Variants in DNER observed in about 807,000 individuals in gnomAD.
The protein encoded by DNER is delta and Notch-like epidermal growth factor-related receptor.
In DNER, 33 loss-of-function variants were observed where a neutral mutation model predicts 78.2. The ratio of observed to expected loss-of-function variants is 0.42; its 90% CI spans 0.32 to 0.56. The LOEUF (loss-of-function observed/expected upper bound fraction) is 0.56. Ranked by LOEUF, DNER falls within the 20% of genes least tolerant of loss-of-function variation. DNER has a pLI of 0.11. For missense variants in DNER, 918 were observed against 975.3 expected (o/e 0.94, Z 0.78); for synonymous variants, 417 against 384.8 (o/e 1.08, Z -0.98).
intron 1 of DNER, among the ~76,000 whole-genome samples, chr2:229,690,446 T>C (rs567708992): frequency 5.9e-5 from 9 of 152,322 alleles, no homozygotes; most frequent in African/African-American, 1.7e-4. Context: ...GTAACAACAG[T>C]GCACAGAGAA....
intron 1 of DNER, among the ~76,000 whole-genome samples, chr2:229,643,430 TGGATTTCATTGATTAGCAGGA>T (rs1698662570): frequency 6.6e-6 from 1 of 152,206 alleles, no homozygotes; most frequent in Non-Finnish European, 1.5e-5. Flanking sequence ...AATTAGCGCA[TGGATTTCATTGATTAGCAGGA>T]TAATCCCTGC....
At chr2:229,679,306 C>T (rs1422888245) in intron 1 of DNER, among the ~76,000 whole-genome samples, 2 of 152,002 alleles carry the variant, frequency 1.3e-5, no homozygotes, top group Non-Finnish European at 2.9e-5. Context: ...CACCTTTTGC[C>T]TAAGCAAAAA....
chr2:229,485,945 C>A (rs898018878), intron 6 of DNER, among the ~76,000 whole-genome samples: 2 of 152,146 alleles, frequency 1.3e-5, no homozygotes, highest in Admixed American at 6.5e-5. Context: ...CGCTCCTGGT[C>A]TTTTAATAGT....
rs376398926 is a variant in DNER at position 229,563,413 on chromosome 2, CCAT to C, written c.848-16324_848-16322del. 3.4e-3 allele frequency among the ~76,000 whole-genome samples: 497 copies of C among 144,352 alleles called. 6 individuals carry two copies. Among genetic ancestry groups the C allele is most frequent in the African/African-American group, 0.012 (453 of 38,602 alleles). 94.7% of individuals were successfully genotyped at this position (144,352 alleles called of 152,430 possible). A position where few individuals can be genotyped will look rare whatever the true frequency, so the allele number is the denominator to read the frequency against. ...CACCATCATCATCATCACCCCATCG[CCAT>C]CATCATCATCATCCTCACCCCATCA... On this transcript the variant is annotated intron_variant, in intron 4 of 12. Coordinates refer to ENST00000341772, the MANE Select transcript of DNER (RefSeq NM_139072.4).
At chr2:229,653,379 T>C (rs1167520067) in intron 1 of DNER, among the ~76,000 whole-genome samples, 1 of 152,186 alleles carries the variant, frequency 6.6e-6, no homozygotes, top group Non-Finnish European at 1.5e-5. Context: ...TTTTTGTTTT[T>C]GTAGTGTTGA....
Position 229,546,830 on chromosome 2 carries a change from C to CAGAT in DNER, c.993+113_993+116dup, listed in dbSNP as rs1262554079. Reference sequence around the variant, plus strand: ...ACAGACAGACAGACAGACAGACAGACAGATAGATAGATAGAGCAAGGATGA... The same window carrying CAGAT: ...ACAGACAGACAGACAGACAGACAGACAGATAGATAGATAGATAGAGCAAGGATGA... On this transcript the variant is annotated intron_variant, in intron 5 of 12. Transcript: ENST00000341772. 6.3e-4 allele frequency: 765 copies of CAGAT among 1,214,838 alleles called. 3 individuals carry two copies. The highest frequency in any genetic ancestry group is 3.6e-3 in the South Asian group (239 of 65,982). The allele number at this position is 1,214,838 out of a possible 1,614,324, so 75.3% of individuals were successfully genotyped here.
intron 5 of DNER, among the ~76,000 whole-genome samples, chr2:229,521,136 A>G (rs1235978631): frequency 6.6e-6 from 1 of 152,178 alleles, no homozygotes; most frequent in Non-Finnish European, 1.5e-5. Flanking sequence ...CATCAAGTTG[A>G]GTTGGTTTCC....
chr2:229,653,664 T>C (rs1379450090), intron 1 of DNER, among the ~76,000 whole-genome samples: 1 of 152,168 alleles, frequency 6.6e-6, no homozygotes, highest in African/African-American at 2.4e-5. Context: ...CATTAACTAG[T>C]AAATGCTCCA....
intron 6 of DNER, among the ~76,000 whole-genome samples, chr2:229,484,739 A>G (rs1209571514): frequency 6.6e-6 from 1 of 152,206 alleles, no homozygotes; most frequent in African/African-American, 2.4e-5. Context: ...ACAGTCTCCT[A>G]CAACAAAGAA....
chr2:229,477,088 T>C, intron 7 of DNER, 52 bp downstream of exon 7: 2 of 1,418,334 alleles, frequency 1.4e-6, no homozygotes, highest in Non-Finnish European at 2.0e-6. Flanking sequence ...ATCAAATTAG[T>C]TTATGATTTA....
chr2:229,549,653 T>C (rs114470318), intron 4 of DNER, among the ~76,000 whole-genome samples: 4,481 of 152,188 alleles, frequency 0.029, 195 homozygotes, highest in African/African-American at 0.094. Flanking sequence ...GGCTCATGCC[T>C]GTAACCCCAG....
chr2:229,572,291 T>C (rs1264489501), intron 4 of DNER, among the ~76,000 whole-genome samples: 1 of 152,218 alleles, frequency 6.6e-6, no homozygotes, highest in Non-Finnish European at 1.5e-5. Context: ...TGTGAATTCA[T>C]GTAGACCCTA....
intron 1 of DNER, among the ~76,000 whole-genome samples, chr2:229,641,137 G>A (rs1190948515): frequency 6.6e-6 from 1 of 152,190 alleles, no homozygotes; most frequent in Non-Finnish European, 1.5e-5. Flanking sequence ...TAATGGTATG[G>A]ACAGGACACT....
At chr2:229,629,420 G>A (rs939879458) in intron 1 of DNER, among the ~76,000 whole-genome samples, 1 of 152,196 alleles carries the variant, frequency 6.6e-6, no homozygotes, top group Non-Finnish European at 1.5e-5. Context: ...TGGCTCAACA[G>A]CACTGTAGTC....
chr2:229,701,568 A>G (rs2154217666), intron 1 of DNER, among the ~76,000 whole-genome samples: 1 of 152,396 alleles, frequency 6.6e-6, no homozygotes, highest in African/African-American at 2.4e-5. Context: ...GTCTTAGTCC[A>G]TGCTCAGAAG....
intron 1 of DNER, among the ~76,000 whole-genome samples, chr2:229,668,354 C>T (rs1699131245): frequency 6.7e-6 from 1 of 149,580 alleles, no homozygotes. Flanking sequence ...CACTTCGCGT[C>T]CCAGAAATTC....
At chr2:229,434,328 T>C (rs958246792) in intron 8 of DNER, among the ~76,000 whole-genome samples, 1 of 152,174 alleles carries the variant, frequency 6.6e-6, no homozygotes, top group South Asian at 2.1e-4. Context: ...ACCAGGGAAA[T>C]TTCTCATGAT....
chr2:229,513,059 T>C, intron 5 of DNER, 123 bp from the exon 6 acceptor site: 1 of 1,100,792 alleles, frequency 9.1e-7, no homozygotes, highest in Non-Finnish European at 1.3e-6. Flanking sequence ...ATCAAATCAC[T>C]TATGTCATAA....
chr2:229,508,265 C>A (rs1017080881), intron 6 of DNER, among the ~76,000 whole-genome samples: 1 of 152,164 alleles, frequency 6.6e-6, no homozygotes, highest in Non-Finnish European at 1.5e-5. Context: ...TTTGATATGA[C>A]CTCCTATAAT....
Sources: allele counts gnomAD v4.1 joint callset (sites outside exome capture counted in the v4.1 genomes callset), GRCh38; gene constraint gnomAD v4.1.1; transcripts MANE v1.5; gene names NCBI Gene and HGNC (gene_info 2026-07-23, HGNC 2026-07-21).